Variants in MPV17L observed in about 807,000 individuals in gnomAD.
The protein encoded by MPV17L is mpv17-like protein.
Under a neutral mutation model 25.8 loss-of-function variants are expected in MPV17L, and 24 were observed. That is an observed-to-expected ratio of 0.93 (90% CI 0.67 to 1.31). MPV17L has a LOEUF of 1.31. Ranked by LOEUF, MPV17L falls within the 50% of genes most tolerant of loss-of-function variation. MPV17L has a pLI of 0.00. For synonymous variants in MPV17L, 102 were observed against 115.3 expected, an observed-to-expected ratio of 0.88 and a Z score of 0.74; for missense variants, 250 against 265.6, an observed-to-expected ratio of 0.94 and a Z score of 0.41.
At chr16:15,400,453 C>A (rs1356743447) in intron 1 of MPV17L, among the ~76,000 whole-genome samples, 1 of 150,896 alleles carries the variant, frequency 6.6e-6, no homozygotes, top group African/African-American at 2.4e-5. Context: ...CAGGCTCAAG[C>A]GATCCTCCCA....
At chr16:15,402,002 A>G (rs1247770039) in intron 2 of MPV17L, among the ~76,000 whole-genome samples, 4 of 152,140 alleles carry the variant, frequency 2.6e-5, no homozygotes, top group African/African-American at 9.7e-5. Context: ...AATAGAGATT[A>G]TAGATTGTGA....
At chr16:15,403,858 C>A (rs1395269220) in intron 2 of MPV17L, among the ~76,000 whole-genome samples, 1 of 152,078 alleles carries the variant, frequency 6.6e-6, no homozygotes, top group Non-Finnish European at 1.5e-5. Context: ...CCCAGCCCAT[C>A]TGGAGATTTT....
At chr16:15,399,840 C>T (rs992234586) in intron 1 of MPV17L, among the ~76,000 whole-genome samples, 5 of 152,126 alleles carry the variant, frequency 3.3e-5, no homozygotes, top group Non-Finnish European at 5.9e-5. Context: ...TCACCTCAAC[C>T]TCCAAATCCT....
At chr16:15,404,225 G>A (rs376568976) in intron 2 of MPV17L, among the ~76,000 whole-genome samples, 8 of 152,186 alleles carry the variant, frequency 5.3e-5, no homozygotes, top group African/African-American at 1.9e-4. Flanking sequence ...GGTATGCCTG[G>A]AGGGGAGAAA....
At position 15,395,776 on chromosome 16, in the gene MPV17L, G is replaced by A. The variant is rs1233082096; in HGVS notation, c.-122G>A. The A allele has an allele frequency of 2.5e-5, 23 of 908,998 alleles. No homozygotes were observed. The South Asian group carries it at 3.6e-4, about 14-fold the overall frequency. 56.3% of individuals were successfully genotyped at this position (908,998 alleles called of 1,614,324 possible). On this transcript the variant is annotated 5_prime_UTR_variant, in exon 1 of 4. Transcript: ENST00000396385. ...CTCAATCGCTCCGGAGCTTCTGGAG[G>A]GGGCAGATGCAGGTGCCGGCTGCTG...
chr16:15,401,646 C>A (rs145923799), intron 2 of MPV17L, among the ~76,000 whole-genome samples: 1 of 151,934 alleles, frequency 6.6e-6, no homozygotes, highest in African/African-American at 2.4e-5. Flanking sequence ...ATGGTGAAAC[C>A]CTGTTTCTAC....
In MPV17L at chr16:15,401,058, G is replaced by GTATATA. The variant is rs548012835; in HGVS notation, c.381+225_381+230dup. Among the ~76,000 whole-genome samples, 96 of 44,234 alleles carry GTATATA rather than the reference G, an allele frequency of 2.2e-3. 2 individuals carry two copies. The highest frequency in any genetic ancestry group is 4.6e-3 in the Admixed American group (9 of 1,970). 29.0% of individuals were successfully genotyped at this position (44,234 alleles called of 152,430 possible). ...TCAGGATTTTTTTGTATGTGTGTGT[G>GTATATA]TATATATATATATATATATATATAT... On this transcript the variant is annotated intron_variant, in intron 2 of 3. Coordinates refer to ENST00000396385, the MANE Select transcript of MPV17L (RefSeq NM_001128423.2).
intron 2 of MPV17L, among the ~76,000 whole-genome samples, chr16:15,404,354 G>T (rs2050663748): frequency 1.3e-5 from 2 of 152,104 alleles, no homozygotes. Flanking sequence ...GGTAATGGCA[G>T]CAAAGGAAAC....
intron 1 of MPV17L, among the ~76,000 whole-genome samples, chr16:15,397,729 G>C (rs1353206177): frequency 6.6e-6 from 1 of 152,242 alleles, no homozygotes; most frequent in African/African-American, 2.4e-5. Context: ...ACCCTGCCCC[G>C]TGTGCCTTAT....
chr16:15,397,048 ACT>A, intron 1 of MPV17L, among the ~76,000 whole-genome samples: 1 of 152,062 alleles, frequency 6.6e-6, no homozygotes, highest in East Asian at 1.9e-4. Context: ...GTCACAAAGG[ACT>A]CCACCAAGAG....
intron 2 of MPV17L, among the ~76,000 whole-genome samples, chr16:15,406,349 T>C (rs2050680390): frequency 6.6e-6 from 1 of 152,026 alleles, no homozygotes; most frequent in Non-Finnish European, 1.5e-5. Context: ...CTTCAGAAAA[T>C]ACAAATTAGT....
intron 2 of MPV17L, among the ~76,000 whole-genome samples, chr16:15,401,071 TA>T: frequency 3.3e-5 from 1 of 30,348 alleles, no homozygotes; most frequent in African/African-American, 7.9e-5. Context: ...TATATATATA[TA>T]TATATATATA....
At chr16:15,405,862 A>G (rs1389287084) in intron 2 of MPV17L, among the ~76,000 whole-genome samples, 15 of 151,744 alleles carry the variant, frequency 9.9e-5, no homozygotes, top group Non-Finnish European at 2.9e-5. Flanking sequence ...AACAAGAGCG[A>G]AACTCCGTCT....
At chr16:15,397,141 A>G (rs1270793424) in intron 1 of MPV17L, among the ~76,000 whole-genome samples, 1 of 152,160 alleles carries the variant, frequency 6.6e-6, no homozygotes, top group Non-Finnish European at 1.5e-5. Context: ...TGTGTCCCCC[A>G]GAGAAAGAGA....
At chr16:15,401,287 T>A (rs898513494) in intron 2 of MPV17L, among the ~76,000 whole-genome samples, 10 of 151,202 alleles carry the variant, frequency 6.6e-5, no homozygotes, top group Non-Finnish European at 1.3e-4. Context: ...TAATTATTTT[T>A]AAATTTTTTG....
chr16:15,396,151 A>G lies in MPV17L; in HGVS notation c.254A>G (p.Lys85Arg), dbSNP rs1255361291. ...PGRAPHALLA[K>R]LLCDQVVGAP... ...CGAGCGCCGCACGCCCTGCTGGCCA[A>G]GTTGCTGTGCGACCAGGTGGTCGGT... Residue 85 changes from lysine (K) to arginine (R), a missense_variant, in exon 1 of 4, where the codon AAG becomes AGG. Physicochemically the swap from Lys to Arg is conservative, Grantham distance 26 (BLOSUM62 2). Coordinates refer to ENST00000396385, the MANE Select transcript of MPV17L (RefSeq NM_001128423.2). 1.3e-6 allele frequency: 2 copies of G among 1,549,680 alleles called. No individual in the cohort carries two copies. Among genetic ancestry groups the G allele is most frequent in the Non-Finnish European group, 1.7e-6 (2 of 1,147,638 alleles).
rs997590393 is a variant in MPV17L at position 15,410,806 on chromosome 16, A to G, written c.*2694A>G. On this transcript the variant is annotated 3_prime_UTR_variant, in exon 4 of 4. Coordinates refer to ENST00000396385, the MANE Select transcript of MPV17L (RefSeq NM_001128423.2). Reference sequence around the variant, plus strand: ...AATTTACCTGAATGTAAAAGGCATTAATATATTTTACATTATTGGGACCAT... The same window carrying G: ...AATTTACCTGAATGTAAAAGGCATTGATATATTTTACATTATTGGGACCAT... 1 of 152,248 alleles carries G rather than the reference A, an allele frequency of 6.6e-6. No homozygotes were observed. The highest frequency in any genetic ancestry group is 2.4e-5 in the African/African-American group (1 of 41,474). 9.4% of individuals were successfully genotyped at this position (152,248 alleles called of 1,614,324 possible).
In MPV17L at chr16:15,409,395, T is replaced by G. The variant is rs1353286784; in HGVS notation, c.*1283T>G. 2 of 152,238 alleles carry G rather than the reference T, an allele frequency of 1.3e-5. No individual in the cohort carries two copies. The highest frequency in any genetic ancestry group is 2.9e-5 in the Non-Finnish European group (2 of 68,052). The allele number at this position is 152,238 out of a possible 1,614,324, so 9.4% of individuals were successfully genotyped here. On this transcript the variant is annotated 3_prime_UTR_variant, in exon 4 of 4. Coordinates refer to ENST00000396385, the MANE Select transcript of MPV17L (RefSeq NM_001128423.2). The stretch of plus-strand genomic sequence containing the variant: ...TGAAGTTACTGAAGATCCACAGAAG[T>G]GAAAATAGCCTTAACTGATGACATT...
intron 1 of MPV17L, among the ~76,000 whole-genome samples, chr16:15,398,947 G>T (rs528998555): frequency 1.3e-5 from 2 of 152,184 alleles, no homozygotes; most frequent in South Asian, 4.2e-4. Flanking sequence ...AATGAAAGGG[G>T]AAGTGGAAGG....
Sources: allele counts gnomAD v4.1 joint callset (sites outside exome capture counted in the v4.1 genomes callset), GRCh38; gene constraint gnomAD v4.1.1; transcripts MANE v1.5; gene names NCBI Gene and HGNC (gene_info 2026-07-23, HGNC 2026-07-21).